SENP7: variants seen among roughly 807,000 people sequenced by gnomAD.
SENP7 encodes the protein sentrin-specific protease 7.
A neutral mutation model predicts 141.2 loss-of-function variants in SENP7; 64 were observed. The observed-to-expected ratio is 0.45, with a 90% CI of 0.37 to 0.56. The LOEUF is 0.56. SENP7 is among the 20% of genes least tolerant of loss of function. SENP7 has a pLI of 0.00. For missense variants in SENP7, 1,025 were observed against 1,212.2 expected, an observed-to-expected ratio of 0.85 and a Z score of 2.29; for synonymous variants, 382 against 426.4, an observed-to-expected ratio of 0.90 and a Z score of 1.28.
chr3:101,504,250 G>C (rs1020166208), intron 1 of SENP7, among the ~76,000 whole-genome samples: 1 of 150,836 alleles, frequency 6.6e-6, no homozygotes, highest in Non-Finnish European at 1.5e-5. Flanking sequence ...TCAGGAGTTC[G>C]AGACCAGCCT....
rs538127066 is a variant in SENP7, at chr3:101,365,302, C to T, written c.1319-311G>A. On this transcript the variant is annotated intron_variant, in intron 9 of 23. Transcript: ENST00000394095. ...ATAGGTGTGGGTCACTGCACCCAGA[C>T]GAAAAATGTATTTTAAATGTGTAAC... 1.7e-4 allele frequency among the ~76,000 whole-genome samples: 26 copies of T among 151,644 alleles called. No individual in the cohort carries two copies. In the South Asian group the frequency reaches 5.0e-3, roughly 29 times the overall value.
intron 15 of SENP7, 131 bp downstream of exon 15, chr3:101,341,515 C>A (rs1285593734): frequency 2.4e-5 from 19 of 777,408 alleles, no homozygotes; most frequent in Non-Finnish European, 3.2e-5. Flanking sequence ...TTTAAAAAAA[C>A]CTATTTCCAT....
In SENP7 at chr3:101,351,605, A is replaced by G; in HGVS notation, c.1657+13T>C. Reference sequence around the variant, plus strand: ...TAGTAAAAAGACAAGTTCATAAGAGAATGATAACTTACCTTGAAATGGGAT... The same window carrying G: ...TAGTAAAAAGACAAGTTCATAAGAGGATGATAACTTACCTTGAAATGGGAT... On this transcript the variant is annotated intron_variant, in intron 12 of 23. Coordinates refer to ENST00000394095, the MANE Select transcript of SENP7 (RefSeq NM_020654.5). 1 of 1,346,356 alleles carries G rather than the reference A, an allele frequency of 7.4e-7. No homozygotes were observed. The highest frequency in any genetic ancestry group is 9.8e-7 in the Non-Finnish European group (1 of 1,022,382). The allele number at this position is 1,346,356 out of a possible 1,614,324, so 83.4% of individuals were successfully genotyped here.
At chr3:101,343,334 T>C (rs2059376181) in intron 14 of SENP7, among the ~76,000 whole-genome samples, 1 of 152,230 alleles carries the variant, frequency 6.6e-6, no homozygotes, top group Admixed American at 6.5e-5. Flanking sequence ...CTCATAAACA[T>C]AGTGTTCTAC....
intron 2 of SENP7, among the ~76,000 whole-genome samples, chr3:101,496,105 A>G (rs1261418558): frequency 1.3e-5 from 2 of 152,232 alleles, no homozygotes; most frequent in Admixed American, 6.5e-5. Context: ...TATGTTTCTT[A>G]TAAACAGACA....
intron 3 of SENP7, among the ~76,000 whole-genome samples, chr3:101,467,640 A>T (rs28786444): frequency 0.4 from 60,355 of 152,050 alleles, 12,496 homozygotes; most frequent in Admixed American, 0.54. Flanking sequence ...GAAAACTAAC[A>T]AACAGAGAGG....
chr3:101,336,889 C>T (rs1371951985), intron 17 of SENP7, among the ~76,000 whole-genome samples: 5 of 152,082 alleles, frequency 3.3e-5, no homozygotes, highest in African/African-American at 7.2e-5. Context: ...TAGGGTATTT[C>T]GTATAATGTA....
At chr3:101,385,826 A>G (rs535171126) in intron 6 of SENP7, among the ~76,000 whole-genome samples, 1 of 152,336 alleles carries the variant, frequency 6.6e-6, no homozygotes, top group African/African-American at 2.4e-5. Flanking sequence ...CATCTCTGCC[A>G]AAACTGTAAA....
chr3:101,463,811 C>T (rs369400032), intron 3 of SENP7, among the ~76,000 whole-genome samples: 2 of 151,870 alleles, frequency 1.3e-5, no homozygotes, highest in Non-Finnish European at 1.5e-5. Context: ...TATTTATTTA[C>T]GTATTTATTC....
rs141132770 is a variant in SENP7, at chr3:101,434,119, A to C, written c.285-16329T>G. ...CACAAAGGAAAATTAGAAATCAATAACAAGAGGAATTTTAGATACTATACA... is the reference window on the plus strand; with the variant it reads ...CACAAAGGAAAATTAGAAATCAATACCAAGAGGAATTTTAGATACTATACA... On this transcript the variant is annotated intron_variant, in intron 4 of 23. Transcript: ENST00000394095. 2.7e-4 allele frequency among the ~76,000 whole-genome samples: 41 copies of C among 152,284 alleles called. No homozygotes were observed. In the East Asian group the frequency reaches 7.1e-3, roughly 27 times the overall value.
intron 6 of SENP7, among the ~76,000 whole-genome samples, chr3:101,390,387 A>AT (rs2060785641): frequency 6.6e-6 from 1 of 151,888 alleles, no homozygotes; most frequent in South Asian, 2.1e-4. Context: ...AACCAAAAGC[A>AT]TGCAAGAGCA....
chr3:101,407,488 T>C lies in SENP7; in HGVS notation c.483-8433A>G, dbSNP rs570691581. Among the ~76,000 whole-genome samples the C allele has an allele frequency of 1.4e-4, 22 of 152,296 alleles. No individual in the cohort carries two copies. In the South Asian group the frequency reaches 4.6e-3, roughly 32 times the overall value. On this transcript the variant is annotated intron_variant, in intron 5 of 23. Transcript: ENST00000394095. The stretch of plus-strand genomic sequence containing the variant: ...TCCAACAACCGCAGAATATATGTTC[T>C]ATTCAACAGCACATGGACCTTTCTC...
chr3:101,383,705 TG>T (rs541510506), intron 6 of SENP7, among the ~76,000 whole-genome samples: 63 of 152,222 alleles, frequency 4.1e-4, no homozygotes, highest in African/African-American at 1.4e-3. Context: ...CTCTGGACTT[TG>T]GGGGCCAATG....
chr3:101,353,352 T>G (rs1263197707), intron 11 of SENP7, among the ~76,000 whole-genome samples: 1 of 151,942 alleles, frequency 6.6e-6, no homozygotes, highest in Non-Finnish European at 1.5e-5. Flanking sequence ...CCCCACCCAC[T>G]ACTTACTACA....
At chr3:101,372,189 T>G (rs2060200908) in intron 6 of SENP7, 63 bp from the exon 7 acceptor site, 1 of 772,394 alleles carries the variant, frequency 1.3e-6, no homozygotes, top group Non-Finnish European at 2.0e-6. Flanking sequence ...AGAAGCCAAC[T>G]AGCATGTATT....
At chr3:101,333,789 A>G (rs1044483690) in intron 17 of SENP7, among the ~76,000 whole-genome samples, 1 of 152,180 alleles carries the variant, frequency 6.6e-6, no homozygotes, top group Non-Finnish European at 1.5e-5. Flanking sequence ...ATATGGGCAG[A>G]AAAAACTATA....
At chr3:101,418,771 C>G (rs2061697576) in intron 4 of SENP7, among the ~76,000 whole-genome samples, 1 of 151,620 alleles carries the variant, frequency 6.6e-6, no homozygotes, top group South Asian at 2.1e-4. Context: ...TCCCAGGGTA[C>G]TTCCATAGAA....
intron 14 of SENP7, among the ~76,000 whole-genome samples, chr3:101,342,611 T>C (rs1020936591): frequency 5.9e-5 from 9 of 152,070 alleles, no homozygotes; most frequent in African/African-American, 1.9e-4. Flanking sequence ...TCCATTAATA[T>C]CCTTTTTCTG....
intron 6 of SENP7, among the ~76,000 whole-genome samples, chr3:101,373,272 TCTGA>T (rs2060230152): frequency 6.6e-6 from 1 of 152,126 alleles, no homozygotes; most frequent in Non-Finnish European, 1.5e-5. Context: ...GCAAAGAGGT[TCTGA>T]CTGAGTCAAA....
Sources: gnomAD v4.1 joint callset for allele counts (sites outside exome capture counted in the v4.1 genomes callset) on GRCh38, gnomAD v4.1.1 for gene constraint, MANE v1.5 for transcripts, NCBI Gene and HGNC (gene_info 2026-07-23, HGNC 2026-07-21) for gene names.